Variants in ADGRB3 observed in about 807,000 individuals in gnomAD.
ADGRB3 encodes adhesion G protein-coupled receptor B3.
In ADGRB3, 37 loss-of-function variants were observed where a neutral mutation model predicts 193.4. The observed-to-expected ratio is 0.19, with a 90% CI of 0.15 to 0.25. The LOEUF (loss-of-function observed/expected upper bound fraction) is 0.25. Ranked by LOEUF, ADGRB3 falls within the 10% of genes least tolerant of loss-of-function variation. The pLI, the probability that ADGRB3 is intolerant of heterozygous loss-of-function variation, is 1.00. For missense variants in ADGRB3, 1,637 were observed against 1,852.9 expected, an observed-to-expected ratio of 0.88 and a Z score of 2.14; for synonymous variants, 690 against 644.2, an observed-to-expected ratio of 1.07 and a Z score of -1.08.
chr6:68,701,373 A>G (rs1405042953), intron 3 of ADGRB3, among the ~76,000 whole-genome samples: 1 of 152,208 alleles, frequency 6.6e-6, no homozygotes, highest in Non-Finnish European at 1.5e-5. Flanking sequence ...CCTTTCCAAC[A>G]GTAGACATCA....
chr6:69,338,704 T>G (rs2127318893), intron 24 of ADGRB3, among the ~76,000 whole-genome samples: 1 of 152,322 alleles, frequency 6.6e-6, no homozygotes, highest in Non-Finnish European at 1.5e-5. Flanking sequence ...TGGAAATATG[T>G]TTTGCATGCA....
At chr6:68,708,155 A>G (rs894613267) in intron 3 of ADGRB3, among the ~76,000 whole-genome samples, 46 of 152,190 alleles carry the variant, frequency 3.0e-4, no homozygotes, top group Admixed American at 2.9e-3. Context: ...TGACCCATAC[A>G]TTCCTTGGCC....
chr6:69,141,131 G>GAA (rs371573260), intron 17 of ADGRB3, among the ~76,000 whole-genome samples: 1 of 122,694 alleles, frequency 8.2e-6, no homozygotes, highest in Non-Finnish European at 1.8e-5. Context: ...TTTTTTTTGG[G>GAA]GGGGGCGGTG....
intron 3 of ADGRB3, among the ~76,000 whole-genome samples, chr6:68,716,626 C>G (rs1325149685): frequency 6.6e-6 from 1 of 151,416 alleles, no homozygotes; most frequent in Non-Finnish European, 1.5e-5. Context: ...TTGAAATCAC[C>G]AGTGGTAGGA....
At chr6:68,900,005 AC>A (rs1766350010) in intron 3 of ADGRB3, among the ~76,000 whole-genome samples, 1 of 152,126 alleles carries the variant, frequency 6.6e-6, no homozygotes. Flanking sequence ...CTTACATTTT[AC>A]CTTGAGGGTA....
chr6:69,074,482 A>G (rs1007180899), intron 16 of ADGRB3, among the ~76,000 whole-genome samples: 12 of 151,746 alleles, frequency 7.9e-5, no homozygotes, highest in African/African-American at 2.7e-4. Context: ...CTTGCTGGCA[A>G]TGAGGTACGG....
chr6:68,999,016 A>G (rs1001541566), intron 11 of ADGRB3, among the ~76,000 whole-genome samples: 1 of 152,198 alleles, frequency 6.6e-6, no homozygotes, highest in African/African-American at 2.4e-5. Context: ...TATACCTGTG[A>G]CAATACTAAG....
intron 17 of ADGRB3, among the ~76,000 whole-genome samples, chr6:69,220,238 C>G (rs779469): frequency 6.6e-6 from 1 of 151,784 alleles, no homozygotes; most frequent in Non-Finnish European, 1.5e-5. Flanking sequence ...GAAGAGGTTT[C>G]GTACCTTTGG....
chr6:69,015,444 C>T (rs766604086), intron 12 of ADGRB3, among the ~76,000 whole-genome samples: 3 of 151,790 alleles, frequency 2.0e-5, no homozygotes, highest in African/African-American at 4.8e-5. Flanking sequence ...TTTGAAATAA[C>T]GATTTGAAGC....
intron 3 of ADGRB3, among the ~76,000 whole-genome samples, chr6:68,843,549 A>G (rs758497743): frequency 6.6e-5 from 10 of 152,234 alleles, no homozygotes; most frequent in Middle Eastern, 3.4e-3. Flanking sequence ...AAGATATTCC[A>G]TGTTCATGGA....
intron 3 of ADGRB3, among the ~76,000 whole-genome samples, chr6:68,643,790 A>G (rs887854873): frequency 6.6e-6 from 1 of 151,698 alleles, no homozygotes; most frequent in Non-Finnish European, 1.5e-5. Flanking sequence ...AAAATTAGCC[A>G]GGCATGGTGG....
At chr6:68,947,946 A>T (rs1767816210) in intron 6 of ADGRB3, among the ~76,000 whole-genome samples, 1 of 152,122 alleles carries the variant, frequency 6.6e-6, no homozygotes, top group African/African-American at 2.4e-5. Flanking sequence ...AACTGTGGGG[A>T]TCTCAGCAAT....
At chr6:68,718,958 CTAAAA>C (rs2127322130) in intron 3 of ADGRB3, among the ~76,000 whole-genome samples, 1 of 151,864 alleles carries the variant, frequency 6.6e-6, no homozygotes, top group Admixed American at 6.6e-5. Flanking sequence ...TCCTCAAAGC[CTAAAA>C]TATTTACCAT....
chr6:68,660,330 CT>C lies in ADGRB3; in HGVS notation c.757+20907del, dbSNP rs35471123. On this transcript the variant is annotated intron_variant, in intron 3 of 31. Transcript: ENST00000370598. ...GTGAATCTTTTTTATGTATCACTTCCTTTTTTTTTCATTTAGTATGTTGATA... is the reference window on the plus strand; with the variant it reads ...GTGAATCTTTTTTATGTATCACTTCCTTTTTTTTCATTTAGTATGTTGATA... Among the ~76,000 whole-genome samples the C allele has an allele frequency of 5.8e-4, 85 of 146,314 alleles. 1 individual carries two copies. The highest frequency in any genetic ancestry group is 4.0e-4 in the East Asian group (2 of 4,984).
intron 20 of ADGRB3, among the ~76,000 whole-genome samples, chr6:69,320,672 G>A (rs1768430791): frequency 6.6e-6 from 1 of 151,448 alleles, no homozygotes; most frequent in African/African-American, 2.4e-5. Context: ...CTGCCTTCTT[G>A]TACCCTGGGT....
chr6:69,142,687 A>G (rs1037695146), intron 17 of ADGRB3, among the ~76,000 whole-genome samples: 1 of 152,200 alleles, frequency 6.6e-6, no homozygotes, highest in South Asian at 2.1e-4. Flanking sequence ...TTAGTCTTGA[A>G]CTGGTGTAAG....
rs9294808 is a variant in ADGRB3 at position 68,802,183 on chromosome 6, CGTGTGTGT to C, written c.758-128355_758-128348del. Among the ~76,000 whole-genome samples the C allele has an allele frequency of 3.0e-3, 422 of 142,822 alleles. 6 individuals carry two copies. Among genetic ancestry groups the C allele is most frequent in the African/African-American group, 0.011 (411 of 38,358 alleles). 93.7% of individuals were successfully genotyped at this position (142,822 alleles called of 152,430 possible). A position where few individuals can be genotyped will look rare whatever the true frequency, so the allele number is the denominator to read the frequency against. On this transcript the variant is annotated intron_variant, in intron 3 of 31. Transcript: ENST00000370598. ...ATAGAGTAAAATAAATGCACATATG[CGTGTGTGT>C]GTGTGTGTGTGTGTGTGTGTATGTG...
chr6:69,320,805 A>T (rs372114937), intron 20 of ADGRB3, among the ~76,000 whole-genome samples: 2 of 133,830 alleles, frequency 1.5e-5, no homozygotes, highest in Admixed American at 1.5e-4. Flanking sequence ...ATCAAAGTAT[A>T]TGTGCTTGTG....
intron 3 of ADGRB3, among the ~76,000 whole-genome samples, chr6:68,807,682 A>G (rs1194519226): frequency 1.3e-5 from 2 of 152,178 alleles, no homozygotes; most frequent in East Asian, 3.9e-4. Flanking sequence ...GCTTACAGAT[A>G]TACTTATTTC....
Sources: gnomAD v4.1 joint callset for allele counts (sites outside exome capture counted in the v4.1 genomes callset) on GRCh38, gnomAD v4.1.1 for gene constraint, MANE v1.5 for transcripts, NCBI Gene and HGNC (gene_info 2026-07-23, HGNC 2026-07-21) for gene names.